Variants in TAFA1 observed in about 807,000 individuals in gnomAD.
The protein encoded by TAFA1 is TAFA chemokine like family member 1, also known as chemokine-like protein TAFA-1.
Under a neutral mutation model 18.5 loss-of-function variants are expected in TAFA1, and 4 were observed. The observed-to-expected ratio is 0.22, with a 90% confidence interval of 0.11 to 0.49. The LOEUF is 0.49. Ranked by LOEUF, TAFA1 falls within the 20% of genes least tolerant of loss-of-function variation. The pLI, the probability that TAFA1 is intolerant of heterozygous loss-of-function variation, is 0.98. For missense variants in TAFA1, 147 were observed against 169.0 expected, an observed-to-expected ratio of 0.87 and a Z score of 0.72; for synonymous variants, 56 against 55.2, an observed-to-expected ratio of 1.01 and a Z score of -0.06.
chr3:68,008,264 A>G (rs1218352320), intron 2 of TAFA1, among the ~76,000 whole-genome samples: 2 of 152,258 alleles, frequency 1.3e-5, no homozygotes, highest in African/African-American at 4.8e-5. Flanking sequence ...GAGGGAAAAC[A>G]AAAGTGAATT....
intron 2 of TAFA1, among the ~76,000 whole-genome samples, chr3:68,030,931 A>T (rs1380950697): frequency 6.6e-6 from 1 of 152,204 alleles, no homozygotes; most frequent in African/African-American, 2.4e-5. Context: ...TAGAGAGACC[A>T]CAAGTCAGCT....
intron 2 of TAFA1, among the ~76,000 whole-genome samples, chr3:68,406,844 G>A (rs141207480): frequency 1.3e-5 from 2 of 152,304 alleles, no homozygotes; most frequent in Admixed American, 1.3e-4. Context: ...AGAGCAGTAA[G>A]GAATCAAGTG....
chr3:68,268,001 A>G (rs1379190830), intron 2 of TAFA1, among the ~76,000 whole-genome samples: 2 of 152,180 alleles, frequency 1.3e-5, no homozygotes, highest in African/African-American at 4.8e-5. Context: ...GAAGAGCTAT[A>G]GTCTCTTGCC....
intron 2 of TAFA1, among the ~76,000 whole-genome samples, chr3:68,307,380 C>G (rs1301796629): frequency 6.6e-6 from 1 of 152,118 alleles, no homozygotes; most frequent in Non-Finnish European, 1.5e-5. Context: ...CATTGCTGGT[C>G]TAGAGTGGTC....
intron 3 of TAFA1, among the ~76,000 whole-genome samples, chr3:68,460,678 T>C (rs1426600587): frequency 6.6e-6 from 1 of 152,100 alleles, no homozygotes; most frequent in Non-Finnish European, 1.5e-5. Flanking sequence ...TTGCCAGAGA[T>C]GAGAAAAGGC....
At chr3:68,201,555 T>G (rs1007323794) in intron 2 of TAFA1, among the ~76,000 whole-genome samples, 1 of 151,800 alleles carries the variant, frequency 6.6e-6, no homozygotes, top group Non-Finnish European at 1.5e-5. Context: ...TGTATTTTGA[T>G]GCTCTGTTAT....
chr3:68,278,409 G>A (rs1284848299), intron 2 of TAFA1, among the ~76,000 whole-genome samples: 1 of 152,094 alleles, frequency 6.6e-6, no homozygotes, highest in Non-Finnish European at 1.5e-5. Context: ...TGTTTTAGCT[G>A]CACAGAATTT....
chr3:68,344,451 A>G (rs2069133596), intron 2 of TAFA1, among the ~76,000 whole-genome samples: 1 of 152,208 alleles, frequency 6.6e-6, no homozygotes, highest in African/African-American at 2.4e-5. Flanking sequence ...ATGTTGAATG[A>G]TGCTTCTTAG....
intron 2 of TAFA1, among the ~76,000 whole-genome samples, chr3:68,239,588 T>G (rs1009724016): frequency 6.6e-6 from 1 of 152,288 alleles, no homozygotes; most frequent in East Asian, 1.9e-4. Flanking sequence ...TACTAGCATT[T>G]GAAGAAGGGT....
intron 3 of TAFA1, among the ~76,000 whole-genome samples, chr3:68,450,539 T>C (rs954510432): frequency 6.6e-6 from 1 of 152,212 alleles, no homozygotes; most frequent in African/African-American, 2.4e-5. Flanking sequence ...GGCAACAGTG[T>C]ATTTTAAGGA....
chr3:68,376,289 G>A (rs1393851670), intron 2 of TAFA1, among the ~76,000 whole-genome samples: 1 of 151,044 alleles, frequency 6.6e-6, no homozygotes, highest in Non-Finnish European at 1.5e-5. Flanking sequence ...GGGTACATAT[G>A]CAGGTTTGTT....
intron 3 of TAFA1, among the ~76,000 whole-genome samples, chr3:68,499,256 T>C (rs2072610941): frequency 8.1e-6 from 1 of 123,464 alleles, no homozygotes; most frequent in Non-Finnish European, 1.9e-5. Flanking sequence ...ACTCTTTATA[T>C]GTTAAAAGAA....
intron 3 of TAFA1, among the ~76,000 whole-genome samples, chr3:68,488,583 T>G (rs1221527417): frequency 6.6e-6 from 1 of 152,232 alleles, no homozygotes; most frequent in African/African-American, 2.4e-5. Flanking sequence ...GTCCAGGATC[T>G]GCTTTTGATC....
intron 2 of TAFA1, among the ~76,000 whole-genome samples, chr3:68,310,791 GAT>G (rs929699336): frequency 1.2e-4 from 18 of 152,156 alleles, no homozygotes; most frequent in African/African-American, 4.3e-4. Context: ...AATGCTAAAA[GAT>G]AGTGAAATTT....
chr3:68,221,122 C>T (rs1380936985), intron 2 of TAFA1, among the ~76,000 whole-genome samples: 1 of 152,194 alleles, frequency 6.6e-6, no homozygotes, highest in Non-Finnish European at 1.5e-5. Context: ...TCCTCTGCTT[C>T]ACCATGGCCT....
intron 3 of TAFA1, among the ~76,000 whole-genome samples, chr3:68,443,482 A>C (rs199910520): frequency 8.9e-5 from 12 of 134,212 alleles, no homozygotes; most frequent in Non-Finnish European, 1.5e-4. Context: ...ACAAAAAAAA[A>C]AAAAAAAAAA....
chr3:68,257,701 G>A (rs1419200868), intron 2 of TAFA1, among the ~76,000 whole-genome samples: 1 of 152,084 alleles, frequency 6.6e-6, no homozygotes, highest in Admixed American at 6.6e-5. Context: ...CTAAAAAGTG[G>A]CCAACCTTCC....
At chr3:68,368,089 A>G (rs539247545) in intron 2 of TAFA1, among the ~76,000 whole-genome samples, 7 of 152,316 alleles carry the variant, frequency 4.6e-5, no homozygotes, top group South Asian at 2.1e-4. Flanking sequence ...GTAAATATAC[A>G]TGTAATTCTG....
At chr3:68,456,903 C>T (rs921539305) in intron 3 of TAFA1, among the ~76,000 whole-genome samples, 4 of 152,144 alleles carry the variant, frequency 2.6e-5, no homozygotes, top group Non-Finnish European at 4.4e-5. Flanking sequence ...CATGAATTTT[C>T]TCTGTTTCCT....
Sources: allele counts gnomAD v4.1 joint callset (sites outside exome capture counted in the v4.1 genomes callset), GRCh38; gene constraint gnomAD v4.1.1; transcripts MANE v1.5; gene names NCBI Gene and HGNC (gene_info 2026-07-23, HGNC 2026-07-21).